Variants in TSHZ3 observed in about 807,000 individuals in gnomAD.
The protein encoded by TSHZ3 is teashirt zinc finger homeobox 3.
A neutral mutation model predicts 64.5 loss-of-function variants in TSHZ3; 10 were observed. That is an observed-to-expected ratio of 0.16 (90% CI 0.10 to 0.26). The LOEUF is 0.26. Ranked by LOEUF, TSHZ3 falls within the 10% of genes least tolerant of loss-of-function variation. The probability of loss-of-function intolerance (pLI) is 1.00; values close to 1 mark genes in which losing one functional copy is unlikely to be tolerated. For synonymous variants in TSHZ3, 608 were observed against 593.1 expected (o/e 1.03, Z -0.36); for missense variants, 1,242 against 1,421.7 (o/e 0.87, Z 2.03).
chr19:31,174,127 A>C (rs1483614399), intron 5 of TSHZ3, among the ~76,000 whole-genome samples: 2 of 152,232 alleles, frequency 1.3e-5, no homozygotes, highest in Admixed American at 1.3e-4. Flanking sequence ...GTGGCTTAGA[A>C]GTCCCCAGAC....
intron 4 of TSHZ3, among the ~76,000 whole-genome samples, chr19:31,223,706 C>G (rs572548752): frequency 9.9e-5 from 15 of 152,210 alleles, no homozygotes; most frequent in African/African-American, 3.1e-4. Context: ...AGAAAGTTTC[C>G]TGTCCTGGAA....
At chr19:31,179,803 A>G (rs1974679546) in intron 5 of TSHZ3, among the ~76,000 whole-genome samples, 2 of 139,318 alleles carry the variant, frequency 1.4e-5, no homozygotes, top group African/African-American at 5.8e-5. Flanking sequence ...GGTGGTAACA[A>G]TGATGATGGT....
intron 1 of TSHZ3, among the ~76,000 whole-genome samples, chr19:31,332,637 T>C (rs1175236492): frequency 6.6e-6 from 1 of 152,158 alleles, no homozygotes; most frequent in Non-Finnish European, 1.5e-5. Context: ...GGACTGTGAT[T>C]ACTGGGGTTC....
chr19:31,349,146 G>A (rs1471684188), intron 1 of TSHZ3, 34 bp downstream of exon 1: 20 of 1,538,330 alleles, frequency 1.3e-5, no homozygotes, highest in East Asian at 2.5e-5. Flanking sequence ...GGAAGAGGAG[G>A]AGGAGAGCAG....
intron 1 of TSHZ3, among the ~76,000 whole-genome samples, chr19:31,344,589 C>T (rs1432155063): frequency 1.3e-5 from 2 of 152,174 alleles, no homozygotes; most frequent in African/African-American, 4.8e-5. Flanking sequence ...TGCCTCCCCG[C>T]GGGCCTGCCT....
intron 1 of TSHZ3, among the ~76,000 whole-genome samples, chr19:31,314,944 C>T (rs1009378230): frequency 6.6e-6 from 1 of 152,218 alleles, no homozygotes; most frequent in Non-Finnish European, 1.5e-5. Flanking sequence ...TCCTATATCC[C>T]TCTGTGTGTT....
chr19:31,279,910 G>C lies in TSHZ3; in HGVS notation c.41-158C>G, dbSNP rs576029695. Among the ~76,000 whole-genome samples the C allele has an allele frequency of 6.6e-6, 1 of 150,532 alleles. No homozygotes were observed. Among genetic ancestry groups the C allele is most frequent in the Non-Finnish European group, 1.5e-5 (1 of 67,858 alleles). On this transcript the variant is annotated intron_variant, in intron 1 of 1. Coordinates refer to ENST00000240587, the MANE Select transcript of TSHZ3 (RefSeq NM_020856.4). This position sits in a 1 kb window ranked among gnomAD's most constrained non-coding sequence, Gnocchi z 6.4. ...AACACAGCAACCCAGATGGGTACAT[G>C]TATTTGTAAAATTAAACAGTTAAAA...
At chr19:31,298,398 T>C (rs372598050) in intron 1 of TSHZ3, among the ~76,000 whole-genome samples, 1 of 152,152 alleles carries the variant, frequency 6.6e-6, no homozygotes, top group Admixed American at 6.5e-5. Context: ...TTTCTTTGAA[T>C]TAAATCAAAC....
At chr19:31,151,980 T>G (rs1974245932) in intron 6 of TSHZ3, among the ~76,000 whole-genome samples, 4 of 152,240 alleles carry the variant, frequency 2.6e-5, no homozygotes, top group African/African-American at 9.6e-5. Flanking sequence ...ACTTATTTCT[T>G]TGTGAGAACA....
At chr19:31,327,309 G>A (rs115692644) in intron 1 of TSHZ3, among the ~76,000 whole-genome samples, 1,560 of 152,264 alleles carry the variant, frequency 0.01, 18 homozygotes, top group African/African-American at 0.035. Flanking sequence ...CAATTTCCTT[G>A]TGTGTTTTAA....
At chr19:31,187,118 G>A (rs975665611) in intron 5 of TSHZ3, among the ~76,000 whole-genome samples, 7 of 152,222 alleles carry the variant, frequency 4.6e-5, no homozygotes, top group African/African-American at 9.6e-5. Flanking sequence ...AGGACACAGA[G>A]CATTTGTGTC....
intron 1 of TSHZ3, among the ~76,000 whole-genome samples, chr19:31,265,127 T>C (rs987452237): frequency 6.6e-6 from 1 of 151,960 alleles, no homozygotes; most frequent in Non-Finnish European, 1.5e-5. Flanking sequence ...CTGGGTGCAG[T>C]GGATCATGCC....
chr19:31,265,397 C>CAAAAAAAAAAA (rs11432951), intron 1 of TSHZ3, among the ~76,000 whole-genome samples: 1 of 34,268 alleles, frequency 2.9e-5, no homozygotes, highest in African/African-American at 1.2e-4. Context: ...AACTCTGTCT[C>CAAAAAAAAAAA]AAAAAAAAAA....
chr19:31,192,810 A>C lies in TSHZ3; in HGVS notation n.809+12146T>G, dbSNP rs535809464. 6.4e-4 allele frequency among the ~76,000 whole-genome samples: 98 copies of C among 152,346 alleles called. No homozygotes were observed. In the South Asian group the frequency reaches 0.011, roughly 16 times the overall value. ...GTGAAATATATCCCTGGGGTATATA[A>C]AGTTGCACACTTTCTTTAATTGGAT... On this transcript the variant is annotated intron_variant and non_coding_transcript_variant, in intron 5 of 6. Coordinates refer to the TSHZ3 transcript ENST00000651361.
At chr19:31,155,037 C>G (rs762854438) in intron 6 of TSHZ3, among the ~76,000 whole-genome samples, 8 of 152,248 alleles carry the variant, frequency 5.3e-5, no homozygotes, top group Non-Finnish European at 1.0e-4. Context: ...CTGAAAGCAT[C>G]TTTCAACAGT....
chr19:31,225,916 CAG>C (rs1266399936), intron 4 of TSHZ3, among the ~76,000 whole-genome samples: 1 of 152,118 alleles, frequency 6.6e-6, no homozygotes, highest in Non-Finnish European at 1.5e-5. Context: ...TGCTTGAGGA[CAG>C]GGGTTTGAGA....
chr19:31,220,115 C>G (rs999484888), intron 4 of TSHZ3, among the ~76,000 whole-genome samples: 23 of 152,202 alleles, frequency 1.5e-4, no homozygotes, highest in Admixed American at 1.2e-3. Context: ...AACTGGATAT[C>G]TGTATGAAAT....
intron 5 of TSHZ3, among the ~76,000 whole-genome samples, chr19:31,178,485 G>T (rs1356103879): frequency 1.3e-5 from 2 of 152,170 alleles, no homozygotes; most frequent in African/African-American, 4.8e-5. Flanking sequence ...TTCAAGACCA[G>T]CTTGGCCAAC....
chr19:31,292,932 T>A (rs1159687051), intron 1 of TSHZ3, among the ~76,000 whole-genome samples: 1 of 148,904 alleles, frequency 6.7e-6, no homozygotes, highest in Middle Eastern at 3.6e-3. Context: ...CAAAAACCCA[T>A]CCATCCAACC....
Sources: allele counts gnomAD v4.1 joint callset (sites outside exome capture counted in the v4.1 genomes callset), GRCh38; gene constraint gnomAD v4.1.1; non-coding constraint Gnocchi (gnomAD v3.1); transcripts MANE v1.5; gene names NCBI Gene and HGNC (gene_info 2026-07-23, HGNC 2026-07-21).